MACROD2: variants seen among roughly 807,000 people sequenced by gnomAD.
The protein encoded by MACROD2 is ADP-ribose glycohydrolase MACROD2.
A neutral mutation model predicts 70.4 loss-of-function variants in MACROD2; 36 were observed. That is an observed-to-expected ratio of 0.51 (90% CI 0.39 to 0.68). The LOEUF is 0.68. MACROD2 is among the 30% of genes least tolerant of loss of function. The probability of loss-of-function intolerance (pLI) is 0.00; values close to 1 mark genes in which losing one functional copy is unlikely to be tolerated. For missense variants in MACROD2, 496 were observed against 538.4 expected (o/e 0.92, Z 0.78); for synonymous variants, 172 against 178.8 (o/e 0.96, Z 0.30).
At chr20:14,924,403 C>T (rs532772029) in intron 5 of MACROD2, among the ~76,000 whole-genome samples, 41 of 151,750 alleles carry the variant, frequency 2.7e-4, no homozygotes, top group Non-Finnish European at 1.2e-4. Flanking sequence ...CATGCCACTG[C>T]ACTCTAGCCT....
chr20:14,429,644 T>C (rs2122923987), intron 3 of MACROD2, among the ~76,000 whole-genome samples: 1 of 152,288 alleles, frequency 6.6e-6, no homozygotes, highest in Non-Finnish European at 1.5e-5. Context: ...GCAGATGTTT[T>C]CCTAAGTCAG....
intron 8 of MACROD2, among the ~76,000 whole-genome samples, chr20:15,601,781 C>G (rs1027739659): frequency 6.6e-6 from 1 of 152,168 alleles, no homozygotes; most frequent in African/African-American, 2.4e-5. Flanking sequence ...GTAATCTCAG[C>G]ACTTTGGGAG....
intron 10 of MACROD2, among the ~76,000 whole-genome samples, chr20:15,901,160 C>T (rs1425927507): frequency 6.6e-6 from 1 of 152,162 alleles, no homozygotes; most frequent in Non-Finnish European, 1.5e-5. Context: ...CTTAGGTTCA[C>T]TCAGCACACT....
At chr20:15,399,761 T>C (rs911236533) in intron 6 of MACROD2, among the ~76,000 whole-genome samples, 4 of 152,218 alleles carry the variant, frequency 2.6e-5, no homozygotes, top group Admixed American at 1.3e-4. Context: ...ATTGGCTTTT[T>C]CTTGCACTGA....
intron 6 of MACROD2, among the ~76,000 whole-genome samples, chr20:15,311,919 C>T (rs1291238317): frequency 1.3e-5 from 2 of 151,806 alleles, no homozygotes; most frequent in Non-Finnish European, 2.9e-5. Flanking sequence ...TACATGTATC[C>T]CCTGAATCTA....
chr20:14,987,220 G>C (rs756013876), intron 5 of MACROD2, among the ~76,000 whole-genome samples: 2 of 152,064 alleles, frequency 1.3e-5, no homozygotes, highest in Non-Finnish European at 2.9e-5. Flanking sequence ...TCTAACAATT[G>C]ATTTGTGGCA....
chr20:15,861,447 C>T (rs754048003), intron 8 of MACROD2, among the ~76,000 whole-genome samples: 27 of 152,130 alleles, frequency 1.8e-4, no homozygotes, highest in Non-Finnish European at 2.1e-4. Flanking sequence ...ACACCAGACA[C>T]GAAAGTGAAC....
chr20:15,420,657 A>C (rs1446927596), intron 6 of MACROD2, among the ~76,000 whole-genome samples: 1 of 152,238 alleles, frequency 6.6e-6, no homozygotes, highest in Non-Finnish European at 1.5e-5. Context: ...ATATTGAAAA[A>C]AACTTTAAGA....
chr20:15,652,442 T>C (rs1489931333), intron 8 of MACROD2, among the ~76,000 whole-genome samples: 2 of 152,122 alleles, frequency 1.3e-5, no homozygotes, highest in Non-Finnish European at 2.9e-5. Context: ...AACAGAAAAG[T>C]TTACTTTGCC....
chr20:15,062,312 T>C (rs1444000524), intron 5 of MACROD2, among the ~76,000 whole-genome samples: 1 of 152,184 alleles, frequency 6.6e-6, no homozygotes, highest in Non-Finnish European at 1.5e-5. Context: ...TAAATTTTAG[T>C]TGAGCAATGA....
intron 4 of MACROD2, among the ~76,000 whole-genome samples, chr20:14,518,146 A>C (rs920794422): frequency 1.3e-5 from 2 of 152,076 alleles, no homozygotes; most frequent in African/African-American, 4.8e-5. Flanking sequence ...CTCCATTATG[A>C]AATTAATTTT....
intron 2 of MACROD2, chr20:14,053,352 A>G (rs1378422177): frequency 6.6e-6 from 1 of 152,134 alleles, no homozygotes; most frequent in Non-Finnish European, 1.5e-5. Context: ...GAATGATTGA[A>G]TTTTGTGGGT....
In MACROD2 at chr20:14,103,986, AG is replaced by A. The variant is rs528347650; in HGVS notation, c.271+18260del. 2.6e-5 allele frequency among the ~76,000 whole-genome samples: 4 copies of A among 152,272 alleles called. No homozygotes were observed. In the South Asian group the frequency reaches 8.3e-4, roughly 32 times the overall value. ...AGCATGAAAGTTTTAAAACTTTTTT[AG>A]GTACACACAGACACACATACACATA... is the stretch of plus-strand genomic sequence containing the variant. On this transcript the variant is annotated intron_variant, in intron 3 of 17. Transcript: ENST00000684519.
chr20:14,340,223 A>G (rs906297791), intron 3 of MACROD2, among the ~76,000 whole-genome samples: 1 of 152,218 alleles, frequency 6.6e-6, no homozygotes, highest in African/African-American at 2.4e-5. Flanking sequence ...CTCAGGGTAG[A>G]GGACAACCAG....
chr20:14,290,239 C>A (rs1337234485), intron 3 of MACROD2, among the ~76,000 whole-genome samples: 1 of 152,102 alleles, frequency 6.6e-6, no homozygotes, highest in African/African-American at 2.4e-5. Context: ...ACCTATACAG[C>A]AAATCTGCAC....
chr20:14,918,716 AC>A (rs2074125830), intron 5 of MACROD2, among the ~76,000 whole-genome samples: 4 of 151,668 alleles, frequency 2.6e-5, no homozygotes, highest in African/African-American at 9.7e-5. Flanking sequence ...CATTTCTGAA[AC>A]CAAATTCAAG....
chr20:14,836,498 A>G (rs1473974327), intron 5 of MACROD2, among the ~76,000 whole-genome samples: 1 of 152,090 alleles, frequency 6.6e-6, no homozygotes, highest in East Asian at 1.9e-4. Context: ...AAGAGAATCA[A>G]GGTTAATGAA....
intron 4 of MACROD2, among the ~76,000 whole-genome samples, chr20:14,676,129 G>A (rs990027174): frequency 6.6e-6 from 1 of 152,084 alleles, no homozygotes; most frequent in Admixed American, 6.5e-5. Flanking sequence ...GTCAATATTA[G>A]ACAGATCAAT....
chr20:14,792,196 C>T (rs2072458951), intron 5 of MACROD2, among the ~76,000 whole-genome samples: 1 of 151,850 alleles, frequency 6.6e-6, no homozygotes, highest in African/African-American at 2.4e-5. Context: ...TTTATGCAAT[C>T]CATTAGAACA....
Sources: allele counts gnomAD v4.1 joint callset (sites outside exome capture counted in the v4.1 genomes callset), GRCh38; gene constraint gnomAD v4.1.1; transcripts MANE v1.5; gene names NCBI Gene and HGNC (gene_info 2026-07-23, HGNC 2026-07-21).